Variants in OS9 observed in about 807,000 individuals in gnomAD.
OS9 encodes OS9 endoplasmic reticulum lectin, also known as protein OS-9.
OS9 carries 58 observed loss-of-function variants against 84.7 expected under a neutral mutation model. The observed-to-expected ratio is 0.68, with a 90% CI of 0.55 to 0.85. The LOEUF is 0.85. OS9 is among the 40% of genes least tolerant of loss of function. The probability of loss-of-function intolerance (pLI) is 0.00; values close to 1 mark genes in which losing one functional copy is unlikely to be tolerated. For synonymous variants in OS9, 278 were observed against 320.8 expected (o/e 0.87, Z 1.43); for missense variants, 760 against 850.9 (o/e 0.89, Z 1.33).
In OS9 at chr12:57,720,847, C is replaced by T. The variant is rs11556568; in HGVS notation, c.1942C>T (p.Arg648Cys). 8.1e-6 allele frequency: 13 copies of T among 1,613,970 alleles called. No individual in the cohort carries two copies. The African/African-American group carries it at 9.3e-5, about 12-fold the overall frequency. The change falls in exon 15 of 15, where the codon CGC becomes TGC. Residue 648 changes from arginine to cysteine, a missense_variant. Arg to Cys is a radical substitution (Grantham distance 180). Transcript: ENST00000315970. Reference protein sequence around the residue: ...QRQKELESNYRRVWGSPGGEG... With the variant: ...QRQKELESNYCRVWGSPGGEG... ...GCAGAAAGAGCTGGAGAGCAATTACCGCCGGGTGTGGGGCTCTCCAGGTGG... is the reference window on the plus strand; with the variant it reads ...GCAGAAAGAGCTGGAGAGCAATTACTGCCGGGTGTGGGGCTCTCCAGGTGG...
intron 3 of OS9, 45 bp from the exon 4 acceptor site, chr12:57,695,916 TC>T: frequency 6.4e-7 from 1 of 1,573,950 alleles, no homozygotes; most frequent in East Asian, 2.2e-5. Flanking sequence ...CTCCTCCTCC[TC>T]CTCCTCTTAA....
chr12:57,695,596 G>A lies in OS9; in HGVS notation c.340-184G>A, dbSNP rs147658426. The A allele has an allele frequency of 1.9e-3, 1,326 of 709,408 alleles. 8 individuals are homozygous for A. The highest frequency in any genetic ancestry group is 0.01 in the African/African-American group (600 of 57,326). The allele number at this position is 709,408 out of a possible 1,614,324, so 43.9% of individuals were successfully genotyped here. A position where few individuals can be genotyped will look rare whatever the true frequency, so the allele number is the denominator to read the frequency against. On this transcript the variant is annotated intron_variant, in intron 2 of 14. Coordinates refer to ENST00000315970, the MANE Select transcript of OS9 (RefSeq NM_006812.4). The stretch of plus-strand genomic sequence containing the variant: ...ACAGACTTTAGAGATATCTCTCCAA[G>A]TCACAGAAGGAAAGCAGCCCTCCCT...
At chr12:57,694,695 C>A (rs1953772079) in intron 1 of OS9, 55 bp from the exon 2 acceptor site, 11 of 1,569,332 alleles carry the variant, frequency 7.0e-6, no homozygotes, top group African/African-American at 6.8e-5. Context: ...CGTTGTTCTC[C>A]CTGATCCCAG....
Position 57,694,863 on chromosome 12 carries a change from T to C in OS9, c.276T>C (p.Ala92=), listed in dbSNP as rs766780518. 3.7e-6 allele frequency: 6 copies of C among 1,614,168 alleles called. No homozygotes were observed. In the South Asian group the frequency reaches 6.6e-5, roughly 18 times the overall value. The part of the protein sequence containing the change: ...FQREREEETP[A]YQGPGIPELL... ...GTGAAAGGGAGGAGGAAACACCTGC[T>C]TACCAAGGGCCTGGGATCCCTGAGT... The change falls in exon 2 of 15, where the codon GCT becomes GCC. Residue 92 remains alanine, a synonymous_variant. Transcript: ENST00000315970.
Position 57,694,931 on chromosome 12 carries a change from AAGGG to A in OS9, c.339+7_339+10del. The A allele has an allele frequency of 6.2e-7, 1 of 1,613,616 alleles. No individual in the cohort carries two copies. The highest frequency in any genetic ancestry group is 8.5e-7 in the Non-Finnish European group (1 of 1,179,540). Reference sequence around the variant, plus strand: ...GATGCTCCCTGCTTGCTGAAGGTGAAAGGGACTGGGTTAGATAGAATGAGGGCTT... The same window carrying A: ...GATGCTCCCTGCTTGCTGAAGGTGAAACTGGGTTAGATAGAATGAGGGCTT... On this transcript the variant is annotated splice_donor_region_variant and intron_variant, in intron 2 of 14. Coordinates refer to ENST00000315970, the MANE Select transcript of OS9 (RefSeq NM_006812.4).
chr12:57,719,540 G>A (rs1954614628), intron 12 of OS9: 1 of 230,310 alleles, frequency 4.3e-6, no homozygotes, highest in South Asian at 8.8e-5. Flanking sequence ...CACCAAGAGA[G>A]GCCCCAGCTG....
intron 12 of OS9, 183 bp downstream of exon 12, chr12:57,719,365 C>A: frequency 1.7e-6 from 1 of 601,386 alleles, no homozygotes; most frequent in Non-Finnish European, 3.0e-6. Flanking sequence ...GTGTTTACCT[C>A]CTATTCATCC....
chr12:57,704,258 C>T (rs542383928), intron 5 of OS9, among the ~76,000 whole-genome samples: 43 of 152,206 alleles, frequency 2.8e-4, no homozygotes, highest in Admixed American at 1.4e-3. Context: ...TATTAGTCGC[C>T]GGGAGTGGTG....
intron 12 of OS9, chr12:57,719,458 C>T (rs905689236): frequency 3.3e-5 from 14 of 430,216 alleles, no homozygotes; most frequent in Middle Eastern, 6.3e-4. Context: ...CTGCCTGGCA[C>T]ACAATGGATG....
intron 5 of OS9, 48 bp from the exon 6 acceptor site, chr12:57,715,712 C>G: frequency 7.2e-7 from 1 of 1,393,244 alleles, no homozygotes; most frequent in Non-Finnish European, 1.0e-6. Flanking sequence ...ATAACTAAAG[C>G]AAATTATTGT....
intron 5 of OS9, among the ~76,000 whole-genome samples, chr12:57,709,992 A>G (rs1954281517): frequency 6.6e-6 from 1 of 152,102 alleles, no homozygotes; most frequent in Admixed American, 6.5e-5. Context: ...AGCTGGAATT[A>G]TAGGCGTGTG....
At chr12:57,694,368 G>A in intron 1 of OS9, 45 bp downstream of exon 1, 3 of 1,602,568 alleles carry the variant, frequency 1.9e-6, no homozygotes, top group Admixed American at 1.7e-5. Context: ...AAGAGGAAGC[G>A]GGTAAGAGAT....
At chr12:57,705,008 A>G (rs886935307) in intron 5 of OS9, among the ~76,000 whole-genome samples, 1 of 152,246 alleles carries the variant, frequency 6.6e-6, no homozygotes, top group Non-Finnish European at 1.5e-5. Flanking sequence ...TGAATAGTCC[A>G]TACATTCCTC....
Position 57,718,981 on chromosome 12 carries a change from TG to T in OS9, c.1411-9del. On this transcript the variant is annotated splice_polypyrimidine_tract_variant and intron_variant, in intron 11 of 14. Transcript: ENST00000315970. ...AGACCCTTGACTCACTCTCTTCTCTTGGGTATTCCAGACAGAGAAAGAGCTG... is the reference window on the plus strand; with the variant it reads ...AGACCCTTGACTCACTCTCTTCTCTTGGTATTCCAGACAGAGAAAGAGCTG... The T allele has an allele frequency of 2.5e-6, 4 of 1,607,882 alleles. No individual in the cohort carries two copies. Among genetic ancestry groups the T allele is most frequent in the East Asian group, 4.5e-5 (2 of 44,844 alleles).
rs1565778960 is a variant in OS9, at chr12:57,715,753, C to G, written c.580-7C>G. On this transcript the variant is annotated splice_region_variant and splice_polypyrimidine_tract_variant and intron_variant, in intron 5 of 14. Transcript: ENST00000315970. ...ATTAAGTGTATTCATCCTTTCTGTC[C>G]TGGCAGTTCCTCTGTGACGAGGGTG... 3 of 1,591,094 alleles carry G rather than the reference C, an allele frequency of 1.9e-6. No homozygotes were observed. Among genetic ancestry groups the G allele is most frequent in the Non-Finnish European group, 2.6e-6 (3 of 1,166,530 alleles).
At chr12:57,700,462 C>T (rs1953988681) in intron 5 of OS9, among the ~76,000 whole-genome samples, 1 of 151,862 alleles carries the variant, frequency 6.6e-6, no homozygotes, top group Non-Finnish European at 1.5e-5. Context: ...AAGTTGAGGC[C>T]ATTCCTGTCT....
At chr12:57,720,589 A>AGG in intron 14 of OS9, 71 bp downstream of exon 14, 1 of 1,331,820 alleles carries the variant, frequency 7.5e-7, no homozygotes, top group African/African-American at 1.4e-5. Context: ...TGCCCCAGCC[A>AGG]CGCCATTGCT....
At chr12:57,715,464 G>A (rs1362093285) in intron 5 of OS9, among the ~76,000 whole-genome samples, 5 of 152,034 alleles carry the variant, frequency 3.3e-5, no homozygotes, top group African/African-American at 1.2e-4. Context: ...AACATAAATT[G>A]GTTACCTACA....
chr12:57,702,217 T>G (rs1954047136), intron 5 of OS9, among the ~76,000 whole-genome samples: 2 of 152,184 alleles, frequency 1.3e-5, no homozygotes, highest in African/African-American at 4.8e-5. Context: ...TTCCAAAACT[T>G]TTTTCATCAT....
Sources: gnomAD v4.1 joint callset for allele counts (sites outside exome capture counted in the v4.1 genomes callset) on GRCh38, gnomAD v4.1.1 for gene constraint, MANE v1.5 for transcripts, NCBI Gene and HGNC (gene_info 2026-07-23, HGNC 2026-07-21) for gene names.